Variants in LCORL observed in about 807,000 individuals in gnomAD.
LCORL encodes the protein ligand-dependent nuclear receptor corepressor-like protein.
In LCORL, 41 loss-of-function variants were observed where a neutral mutation model predicts 141.8. That is an observed-to-expected ratio of 0.29 (90% confidence interval 0.23 to 0.38). The LOEUF is 0.38. LCORL is among the 10% of genes least tolerant of loss of function. The probability of loss-of-function intolerance (pLI) is 1.00; values close to 1 mark genes in which losing one functional copy is unlikely to be tolerated. For synonymous variants in LCORL, 618 were observed against 694.1 expected, an observed-to-expected ratio of 0.89 and a Z score of 1.72; for missense variants, 1,759 against 2,035.0, an observed-to-expected ratio of 0.86 and a Z score of 2.61.
At chr4:17,896,320 G>C (rs977037283) in intron 5 of LCORL, among the ~76,000 whole-genome samples, 4 of 151,300 alleles carry the variant, frequency 2.6e-5, no homozygotes, top group Non-Finnish European at 5.9e-5. Flanking sequence ...TTTCGCTCTT[G>C]TTGCCCAGGC....
At chr4:17,916,210 T>C (rs34085865) in intron 4 of LCORL, among the ~76,000 whole-genome samples, 61 of 152,328 alleles carry the variant, frequency 4.0e-4, no homozygotes, top group South Asian at 1.7e-3. Context: ...TCCCCTGCTA[T>C]ACAAACTCTT....
At chr4:17,936,845 C>T (rs920011097) in intron 4 of LCORL, among the ~76,000 whole-genome samples, 4 of 152,106 alleles carry the variant, frequency 2.6e-5, no homozygotes, top group African/African-American at 9.7e-5. Flanking sequence ...TCAGTTTCCC[C>T]CAACTCCAAA....
rs200614312 is a variant in LCORL, at chr4:17,848,920, G to A, written c.5603-3019C>T. On this transcript the variant is annotated intron_variant, in intron 7 of 7. Transcript: ENST00000635767. ...GAGGGTCCTACGCCCACAGAGTCTC[G>A]CTGATTGCTAGCACAGCAGTCTGAG... Among the ~76,000 whole-genome samples the A allele has an allele frequency of 3.2e-4, 48 of 152,354 alleles. 4 individuals are homozygous for A. Among genetic ancestry groups the A allele is most frequent in the Admixed American group, 2.2e-3 (33 of 15,308 alleles).
intron 4 of LCORL, chr4:17,911,837 A>G: frequency 2.2e-6 from 1 of 454,472 alleles, no homozygotes. Flanking sequence ...ACCAGCTTCC[A>G]GGGCGGCTTG....
At chr4:17,964,949 A>T (rs1325827525) in intron 2 of LCORL, among the ~76,000 whole-genome samples, 8 of 151,748 alleles carry the variant, frequency 5.3e-5, no homozygotes, top group African/African-American at 1.7e-4. Context: ...GGGTATTTTT[A>T]AAAAATAGCT....
At chr4:17,846,158 A>G (rs558833411) in intron 7 of LCORL, among the ~76,000 whole-genome samples, 3 of 152,280 alleles carry the variant, frequency 2.0e-5, no homozygotes, top group Non-Finnish European at 4.4e-5. Context: ...GGATTACATC[A>G]GTATACATCA....
At chr4:17,950,507 TAA>T (rs1739544612) in intron 4 of LCORL, among the ~76,000 whole-genome samples, 1 of 152,198 alleles carries the variant, frequency 6.6e-6, no homozygotes, top group Admixed American at 6.5e-5. Flanking sequence ...GTAGGATTTA[TAA>T]AAGAGTTTTC....
At chr4:17,984,535 T>C (rs1718606452) in intron 1 of LCORL, among the ~76,000 whole-genome samples, 2 of 152,132 alleles carry the variant, frequency 1.3e-5, no homozygotes. Flanking sequence ...CCATCTTCTC[T>C]AGGTTTTCTA....
intron 4 of LCORL, among the ~76,000 whole-genome samples, chr4:17,928,986 T>C (rs71603390): frequency 0.13 from 19,220 of 152,158 alleles, 1,351 homozygotes; most frequent in South Asian, 0.26. Context: ...AAAAATGAAT[T>C]TTATTTCTAA....
At chr4:17,885,751 C>T (rs1728179239) in intron 6 of LCORL, among the ~76,000 whole-genome samples, 1 of 151,764 alleles carries the variant, frequency 6.6e-6, no homozygotes, top group African/African-American at 2.4e-5. Flanking sequence ...TACATATTTC[C>T]CTTAAAATTG....
chr4:17,881,824 T>C, intron 6 of LCORL: 1 of 984,018 alleles, frequency 1.0e-6, no homozygotes, highest in Non-Finnish European at 1.2e-6. Context: ...TTGAAATATG[T>C]ACTTTACCTT....
intron 2 of LCORL, among the ~76,000 whole-genome samples, chr4:17,967,339 T>A (rs1181947302): frequency 1.3e-5 from 2 of 152,146 alleles, no homozygotes; most frequent in Non-Finnish European, 2.9e-5. Context: ...GATGGATCAA[T>A]GACACCATGC....
intron 5 of LCORL, among the ~76,000 whole-genome samples, chr4:17,898,193 A>AT (rs1285138194): frequency 2.6e-5 from 4 of 152,090 alleles, no homozygotes; most frequent in South Asian, 4.1e-4. Context: ...TCCTTAAAGT[A>AT]TTTTTTTGCC....
At chr4:17,865,355 T>C (rs929123210) in intron 7 of LCORL, among the ~76,000 whole-genome samples, 3 of 152,142 alleles carry the variant, frequency 2.0e-5, no homozygotes, top group Non-Finnish European at 4.4e-5. Flanking sequence ...CCCTAAATAT[T>C]TGGAAACTAA....
chr4:17,886,810 G>A (rs1052058339), intron 5 of LCORL, among the ~76,000 whole-genome samples: 4 of 151,860 alleles, frequency 2.6e-5, no homozygotes, highest in African/African-American at 7.3e-5. Context: ...AACTGCCTAC[G>A]CATGTTATTA....
At chr4:17,922,196 G>A (rs1442243317) in intron 4 of LCORL, among the ~76,000 whole-genome samples, 2 of 152,082 alleles carry the variant, frequency 1.3e-5, no homozygotes, top group Non-Finnish European at 2.9e-5. Flanking sequence ...TTTGGTACCA[G>A]GAGTGGTTCT....
At chr4:17,972,255 G>C (rs959325282) in intron 2 of LCORL, among the ~76,000 whole-genome samples, 2 of 151,694 alleles carry the variant, frequency 1.3e-5, no homozygotes, top group East Asian at 3.9e-4. Context: ...TACAACTCTA[G>C]CTCTTCAGAT....
At chr4:17,994,127 T>G (rs1720511433) in intron 1 of LCORL, among the ~76,000 whole-genome samples, 1 of 152,182 alleles carries the variant, frequency 6.6e-6, no homozygotes, top group South Asian at 2.1e-4. Flanking sequence ...AAGATCAGTA[T>G]GCAGGTGGAA....
intron 7 of LCORL, among the ~76,000 whole-genome samples, chr4:17,856,972 A>C (rs1264493630): frequency 6.6e-6 from 1 of 152,328 alleles, no homozygotes; most frequent in African/African-American, 2.4e-5. Flanking sequence ...ACTGGTGAGA[A>C]TAGAGATCCT....
Sources: gnomAD v4.1 joint callset for allele counts (sites outside exome capture counted in the v4.1 genomes callset) on GRCh38, gnomAD v4.1.1 for gene constraint, MANE v1.5 for transcripts, NCBI Gene and HGNC (gene_info 2026-07-23, HGNC 2026-07-21) for gene names.